Variants in DLG5 observed in about 807,000 individuals in gnomAD.
DLG5 encodes discs large MAGUK scaffold protein 5.
A neutral mutation model predicts 189.8 loss-of-function variants in DLG5; 48 were observed. The ratio of observed to expected loss-of-function variants is 0.25; its 90% CI spans 0.20 to 0.32. The LOEUF (loss-of-function observed/expected upper bound fraction) is 0.32. Among genes scored for constraint, DLG5 ranks in the 10% least tolerant of loss-of-function variants. The pLI is 1.00. For synonymous variants in DLG5, 1,016 were observed against 1,054.1 expected (o/e 0.96, Z 0.70); for missense variants, 2,160 against 2,544.7 (o/e 0.85, Z 3.25).
At chr10:77,798,622 C>T (rs1841045655) in intron 27 of DLG5, among the ~76,000 whole-genome samples, 1 of 152,208 alleles carries the variant, frequency 6.6e-6, no homozygotes, top group South Asian at 2.1e-4. Context: ...TACTTTATAA[C>T]TCGCTCCTTG....
Position 77,926,649 on chromosome 10 carries a change from C to T in DLG5, c.-129G>A. The T allele has an allele frequency of 1.5e-6, 1 of 657,874 alleles. No individual in the cohort carries two copies. The highest frequency in any genetic ancestry group is 1.9e-6 in the Non-Finnish European group (1 of 525,904). 40.8% of individuals were successfully genotyped at this position (657,874 alleles called of 1,614,324 possible). A position where few individuals can be genotyped will look rare whatever the true frequency, so the allele number is the denominator to read the frequency against. ...GCCGTGAGGCGGCGGGAGCCATGGG[C>T]CGGGGCCTGGGCGGGCTGGGGGCCC... On this transcript the variant is annotated 5_prime_UTR_variant, in exon 1 of 32. Coordinates refer to ENST00000372391, the MANE Select transcript of DLG5 (RefSeq NM_004747.4). This position sits in a 1 kb window ranked among gnomAD's most constrained non-coding sequence, Gnocchi z 5.2.
At position 77,829,223 on chromosome 10, in the gene DLG5, A is replaced by G. The variant is rs1241021782; in HGVS notation, c.2185+132T>C. The G allele has an allele frequency of 4.6e-6, 6 of 1,305,276 alleles. No homozygotes were observed. The East Asian group carries it at 1.4e-4, about 30-fold the overall frequency. The allele number at this position is 1,305,276 out of a possible 1,614,324, so 80.9% of individuals were successfully genotyped here. On this transcript the variant is annotated intron_variant, in intron 12 of 31. Coordinates refer to ENST00000372391, the MANE Select transcript of DLG5 (RefSeq NM_004747.4). Reference sequence around the variant, plus strand: ...AGACCACCTCTTGCCAGAAAAGCACATGGGCTACATTTAAATGGCATTGGC... The same window carrying G: ...AGACCACCTCTTGCCAGAAAAGCACGTGGGCTACATTTAAATGGCATTGGC...
chr10:77,937,219 A>G, the DLG5 span, among the ~76,000 whole-genome samples: 3 of 151,944 alleles, frequency 2.0e-5, no homozygotes, highest in African/African-American at 7.3e-5. Flanking sequence ...CTCCACCAAT[A>G]CAATGTGCCC....
Position 77,796,152 on chromosome 10 carries a change from C to T in DLG5, c.5345G>A (p.Gly1782Asp). The change falls in exon 29 of 32, where the codon GGT becomes GAT. Residue 1782 changes from glycine (G) to aspartate (D), a missense_variant. Gly to Asp is a moderately conservative substitution (Grantham distance 94, BLOSUM62 -1). Coordinates refer to ENST00000372391, the MANE Select transcript of DLG5 (RefSeq NM_004747.4). The surrounding 1 kb of genome is among the most constrained non-coding windows in gnomAD (Gnocchi z 5.2). ...GTCGACAAACAGGCAATCTTTGACA[C>T]CCCGCTCAATGGCCTGCTGGGAGGC... Reference protein sequence around the residue: ...MKASQQAIERGVKDCLFVDYK... With the variant: ...MKASQQAIERDVKDCLFVDYK... The T allele has an allele frequency of 6.2e-7, 1 of 1,614,210 alleles. No homozygotes were observed. The highest frequency in any genetic ancestry group is 8.5e-7 in the Non-Finnish European group (1 of 1,180,044).
At position 77,820,201 on chromosome 10, in the gene DLG5, C is replaced by G. The variant is rs1239806932; in HGVS notation, c.3403-183G>C. ...TCTCTACCAAAAATACAAAAATTAGCTGGGCATGGTAGTGGGTGCCTGTAA... is the reference window on the plus strand; with the variant it reads ...TCTCTACCAAAAATACAAAAATTAGGTGGGCATGGTAGTGGGTGCCTGTAA... On this transcript the variant is annotated intron_variant, in intron 15 of 31. Coordinates refer to ENST00000372391, the MANE Select transcript of DLG5 (RefSeq NM_004747.4). The G allele has an allele frequency of 5.3e-6, 4 of 756,796 alleles. No individual in the cohort carries two copies. In the African/African-American group the frequency reaches 7.3e-5, roughly 14 times the overall value. The allele number at this position is 756,796 out of a possible 1,614,324, so 46.9% of individuals were successfully genotyped here. A position where few individuals can be genotyped will look rare whatever the true frequency, so the allele number is the denominator to read the frequency against.
intron 1 of DLG5, among the ~76,000 whole-genome samples, chr10:77,888,258 C>T (rs1020311800): frequency 5.9e-5 from 9 of 152,128 alleles, no homozygotes; most frequent in African/African-American, 1.4e-4. Flanking sequence ...AGGCAAAGTG[C>T]GGCAGGAACT....
chr10:77,871,560 T>TGA (rs1844901800), intron 1 of DLG5, among the ~76,000 whole-genome samples: 2 of 146,176 alleles, frequency 1.4e-5, no homozygotes, highest in East Asian at 4.0e-4. Flanking sequence ...TTTTTTTTTT[T>TGA]GAGACAGAGT....
At chr10:77,938,382 G>T in the DLG5 span, among the ~76,000 whole-genome samples, 1 of 152,132 alleles carries the variant, frequency 6.6e-6, no homozygotes, top group Non-Finnish European at 1.5e-5. Context: ...AGTGAGCTAT[G>T]ATTGTGCCAC....
At chr10:77,829,303 A>G in intron 12 of DLG5, 52 bp downstream of exon 12, 1 of 1,610,972 alleles carries the variant, frequency 6.2e-7, no homozygotes. Flanking sequence ...CCTGTCCACA[A>G]AAAAGGGCCC....
At chr10:77,837,356 G>A (rs1237052749) in intron 7 of DLG5, among the ~76,000 whole-genome samples, 4 of 152,044 alleles carry the variant, frequency 2.6e-5, no homozygotes, top group Admixed American at 6.6e-5. Context: ...TTACCACGTG[G>A]ATTCCCTGAA....
chr10:77,903,440 A>T (rs866437389), intron 1 of DLG5, among the ~76,000 whole-genome samples: 65 of 151,334 alleles, frequency 4.3e-4, no homozygotes, highest in Middle Eastern at 3.2e-3. Flanking sequence ...AAAAAAAAAT[A>T]AAAAAGAAAA....
chr10:77,811,469 G>C (rs904547635), intron 22 of DLG5, among the ~76,000 whole-genome samples: 2 of 152,040 alleles, frequency 1.3e-5, no homozygotes, highest in African/African-American at 4.8e-5. Context: ...ACCTCAGGAA[G>C]CTGTGAGCAT....
At position 77,854,285 on chromosome 10, in the gene DLG5, G is replaced by C. The variant is rs777868469; in HGVS notation, c.622C>G (p.Gln208Glu). Reference sequence around the variant, plus strand: ...CACCTCTTCAAGGCGTTGGTGTGCTGGTTCTGCAGGCTCTGCAGGTCCGAC... The same window carrying C: ...CACCTCTTCAAGGCGTTGGTGTGCTCGTTCTGCAGGCTCTGCAGGTCCGAC... ...AMSDLQSLQNQHTNALKRCEE... is the reference protein window; with the variant it reads ...AMSDLQSLQNEHTNALKRCEE... Residue 208 changes from glutamine (Q) to glutamate (E), a missense_variant, in exon 4 of 32, where the codon CAG becomes GAG. Around this residue, in one of 5 missense-constraint regions of DLG5, gnomAD observed 664 missense variants for 838.5 expected, o/e 0.79. Transcript: ENST00000372391. The C allele has an allele frequency of 2.0e-5, 32 of 1,614,096 alleles. No homozygotes were observed. In the South Asian group the frequency reaches 3.5e-4, roughly 18 times the overall value.
intron 27 of DLG5, among the ~76,000 whole-genome samples, chr10:77,797,143 C>G (rs1247540340): frequency 6.6e-6 from 1 of 152,194 alleles, no homozygotes; most frequent in Non-Finnish European, 1.5e-5. Context: ...GAACGCAATG[C>G]CTCTCCCACA....
intron 1 of DLG5, among the ~76,000 whole-genome samples, chr10:77,902,988 A>G (rs1352124433): frequency 2.0e-5 from 3 of 152,270 alleles, no homozygotes; most frequent in Non-Finnish European, 4.4e-5. Flanking sequence ...CGAGCCATTG[A>G]GCATCCCTCA....
intron 1 of DLG5, among the ~76,000 whole-genome samples, chr10:77,884,531 C>G (rs1271039149): frequency 1.3e-5 from 2 of 152,150 alleles, no homozygotes; most frequent in East Asian, 3.9e-4. Context: ...CCTCCAGAGA[C>G]ATGGTTCATG....
the DLG5 span, among the ~76,000 whole-genome samples, chr10:77,934,227 C>T: frequency 3.3e-5 from 5 of 150,604 alleles, no homozygotes; most frequent in South Asian, 2.1e-4. Context: ...CAAAATTATC[C>T]GAGTATGGTG....
Position 77,855,312 on chromosome 10 carries a change from C to T in DLG5, c.537-942G>A, listed in dbSNP as rs192058126. ...TCTCAGGCCTAGCCCCAGCCCCAGC[C>T]CTCCTGAGTCAGGTGTTCTGAAGGG... On this transcript the variant is annotated intron_variant, in intron 3 of 31. Coordinates refer to ENST00000372391, the MANE Select transcript of DLG5 (RefSeq NM_004747.4). Among the ~76,000 whole-genome samples, 8 of 152,330 alleles carry T rather than the reference C, an allele frequency of 5.3e-5. No individual in the cohort carries two copies. In the East Asian group the frequency reaches 1.4e-3, roughly 26 times the overall value.
At chr10:77,812,687 C>G (rs112804453) in intron 20 of DLG5, among the ~76,000 whole-genome samples, 1 of 152,208 alleles carries the variant, frequency 6.6e-6, no homozygotes, top group African/African-American at 2.4e-5. Context: ...AGGAGAGGAG[C>G]TGCCCCACAA....
Sources: allele counts gnomAD v4.1 joint callset (sites outside exome capture counted in the v4.1 genomes callset), GRCh38; gene constraint gnomAD v4.1.1; regional missense constraint gnomAD v4.1.1; non-coding constraint Gnocchi (gnomAD v3.1); transcripts MANE v1.5; gene names NCBI Gene and HGNC (gene_info 2026-07-23, HGNC 2026-07-21).